SAXO1: variants seen among roughly 807,000 people sequenced by gnomAD.
SAXO1 encodes 4930500O09Rik.
SAXO1 carries 21 observed loss-of-function variants against 17.5 expected under a neutral mutation model. The ratio of observed to expected loss-of-function variants is 1.20; its 90% CI spans 0.85 to 1.72. The LOEUF is 1.72. Ranked by LOEUF, SAXO1 falls within the 40% of genes most tolerant of loss-of-function variation. The pLI is 0.00. For missense variants in SAXO1, 843 were observed against 596.0 expected, an observed-to-expected ratio of 1.41 and a Z score of -4.32; for synonymous variants, 274 against 216.5, an observed-to-expected ratio of 1.27 and a Z score of -2.33.
chr9:19,001,532 T>C lies in SAXO1; in HGVS notation c.38+31339A>G, dbSNP rs913900389. On this transcript the variant is annotated intron_variant, in intron 1 of 3. Transcript: ENST00000380534. Reference sequence around the variant, plus strand: ...AACACAAAAAATTAGCCAGGTGTGGTGGCGGGCACCTGTAGTCCCAGCTAC... The same window carrying C: ...AACACAAAAAATTAGCCAGGTGTGGCGGCGGGCACCTGTAGTCCCAGCTAC... Among the ~76,000 whole-genome samples the C allele has an allele frequency of 1.3e-5, 2 of 151,778 alleles. 1 individual carries two copies. The highest frequency in any genetic ancestry group is 2.9e-5 in the Non-Finnish European group (2 of 67,958).
At position 18,941,645 on chromosome 9, in the gene SAXO1, G is replaced by C; in HGVS notation, c.413C>G (p.Thr138Ser). The change falls in exon 3 of 4, where the codon ACT (threonine) becomes AGT (serine). Residue 138 changes from threonine (T) to serine (S), a missense_variant. Thr to Ser is a moderately conservative substitution (Grantham distance 58, BLOSUM62 1). Coordinates refer to ENST00000380534, the MANE Select transcript of SAXO1 (RefSeq NM_153707.4). Reference protein sequence around the residue: ...PCSDKMECLPTYKADYLPWNQ... With the variant: ...PCSDKMECLPSYKADYLPWNQ... ...CCTCTGTGCTCTCCCACCTTTATAA[G>C]TAGGCAAACACTCCATCTTGTCGCT... The C allele has an allele frequency of 6.2e-7, 1 of 1,614,136 alleles. No homozygotes were observed. Among genetic ancestry groups the C allele is most frequent in the Non-Finnish European group, 8.5e-7 (1 of 1,180,014 alleles).
intron 1 of SAXO1, among the ~76,000 whole-genome samples, chr9:19,040,815 G>A (rs957376958): frequency 1.3e-5 from 2 of 152,148 alleles, no homozygotes; most frequent in African/African-American, 4.8e-5. Flanking sequence ...TACAAACAGG[G>A]AGAAGGGAAC....
At chr9:18,973,371 T>TCG (rs1420832407) in intron 1 of SAXO1, among the ~76,000 whole-genome samples, 1 of 152,166 alleles carries the variant, frequency 6.6e-6, no homozygotes, top group Non-Finnish European at 1.5e-5. Flanking sequence ...CAGCTGCACA[T>TCG]CTCAGTAGTG....
intron 1 of SAXO1, among the ~76,000 whole-genome samples, chr9:19,001,868 T>C (rs1384030464): frequency 6.6e-6 from 1 of 151,676 alleles, no homozygotes; most frequent in Admixed American, 6.6e-5. Flanking sequence ...ATTCAAAAGC[T>C]AGCAAAGGCA....
intron 1 of SAXO1, among the ~76,000 whole-genome samples, chr9:18,991,077 G>A (rs1308918197): frequency 6.6e-6 from 1 of 152,136 alleles, no homozygotes; most frequent in Non-Finnish European, 1.5e-5. Context: ...GGCCAACATA[G>A]TGAAACCCTG....
intron 1 of SAXO1, chr9:19,026,752 C>A: frequency 2.5e-6 from 1 of 404,370 alleles, no homozygotes; most frequent in Non-Finnish European, 4.6e-6. Context: ...AATGCTGGGC[C>A]GGGCGTGGTA....
chr9:18,999,714 G>C (rs146205612), intron 1 of SAXO1, among the ~76,000 whole-genome samples: 1,664 of 146,850 alleles, frequency 0.011, 46 homozygotes, highest in African/African-American at 0.039. Context: ...AGAGTGAGGA[G>C]CACCTCTGCC....
At chr9:19,021,604 T>C (rs923795492) in intron 1 of SAXO1, among the ~76,000 whole-genome samples, 4 of 152,208 alleles carry the variant, frequency 2.6e-5, no homozygotes, top group African/African-American at 9.6e-5. Context: ...CTAGAGATAT[T>C]CAAGGACCTG....
At chr9:19,046,534 C>A (rs1188978457) in intron 1 of SAXO1, among the ~76,000 whole-genome samples, 13 of 151,914 alleles carry the variant, frequency 8.6e-5, no homozygotes, top group Non-Finnish European at 1.9e-4. Flanking sequence ...GAAACCCCAT[C>A]TCTACTAAAA....
At chr9:19,028,034 C>T in intron 1 of SAXO1, 1 of 1,610,124 alleles carries the variant, frequency 6.2e-7, no homozygotes, top group Non-Finnish European at 8.5e-7. Flanking sequence ...GGTATGATCG[C>T]ACTGCGCAGG....
chr9:18,986,178 A>G lies in SAXO1; in HGVS notation c.39-35241T>C, dbSNP rs180978709. The stretch of plus-strand genomic sequence containing the variant: ...AGATTTTAAAAAAAGCAATTCATTT[A>G]CAGCTACTACTACATATCCTTCACA... On this transcript the variant is annotated intron_variant, in intron 1 of 3. Transcript: ENST00000380534. 2.1e-4 allele frequency among the ~76,000 whole-genome samples: 32 copies of G among 152,376 alleles called. No homozygotes were observed. In the East Asian group the frequency reaches 5.8e-3, roughly 28 times the overall value.
intron 1 of SAXO1, among the ~76,000 whole-genome samples, chr9:18,971,477 A>G (rs746128386): frequency 6.6e-6 from 1 of 152,126 alleles, no homozygotes; most frequent in African/African-American, 2.4e-5. Context: ...TTAAACAATG[A>G]ATGGAATGAT....
At chr9:19,038,252 A>G (rs1190878233), upstream of SAXO1, among the ~76,000 whole-genome samples, 1 of 152,182 alleles carries the variant, frequency 6.6e-6, no homozygotes, top group African/African-American at 2.4e-5. Context: ...CCATCCCATT[A>G]CTGGGTATAT....
In SAXO1 at chr9:18,928,740, C is replaced by G. The variant is rs774663569; in HGVS notation, c.737G>C (p.Gly246Ala). 1 of 1,614,112 alleles carries G rather than the reference C, an allele frequency of 6.2e-7. No homozygotes were observed. The highest frequency in any genetic ancestry group is 1.1e-5 in the South Asian group (1 of 91,080). ...GCTCTTGGCAGGCTCCCCCATCAGG[C>G]CCCGGTAGGATTGTTTTTGAGTGGT... The part of the protein sequence containing the change: ...SLTTQKQSYR[G>A]LMGEPAKSLK... Residue 246 changes from glycine to alanine, a missense_variant, in exon 4 of 4, where the codon GGC becomes GCC. Coordinates refer to ENST00000380534, the MANE Select transcript of SAXO1 (RefSeq NM_153707.4).
chr9:19,014,029 G>A (rs770214830), intron 1 of SAXO1, among the ~76,000 whole-genome samples: 10 of 152,102 alleles, frequency 6.6e-5, no homozygotes, highest in Middle Eastern at 3.2e-3. Context: ...AGTATACAGA[G>A]AGTTAAACGT....
intron 1 of SAXO1, among the ~76,000 whole-genome samples, chr9:18,963,523 G>C (rs571156265): frequency 1.3e-5 from 2 of 152,106 alleles, no homozygotes; most frequent in African/African-American, 2.4e-5. Context: ...CATATCCTTT[G>C]TAAGTTGTAT....
At chr9:18,986,429 G>A (rs921118361) in intron 1 of SAXO1, among the ~76,000 whole-genome samples, 1 of 152,144 alleles carries the variant, frequency 6.6e-6, no homozygotes, top group African/African-American at 2.4e-5. Flanking sequence ...TTTTCAAAAT[G>A]TAGTAAATGG....
intron 1 of SAXO1, among the ~76,000 whole-genome samples, chr9:18,999,582 G>C (rs1437947221): frequency 1.3e-5 from 2 of 148,434 alleles, no homozygotes; most frequent in Non-Finnish European, 3.0e-5. Context: ...CACACCATCT[G>C]GGAAGTGAGG....
intron 1 of SAXO1, among the ~76,000 whole-genome samples, chr9:18,985,807 A>C (rs1328718102): frequency 1.3e-5 from 2 of 152,242 alleles, no homozygotes; most frequent in Non-Finnish European, 2.9e-5. Context: ...TTCTTTAAAA[A>C]CACATAGACT....
Sources: allele counts gnomAD v4.1 joint callset (sites outside exome capture counted in the v4.1 genomes callset), GRCh38; gene constraint gnomAD v4.1.1; transcripts MANE v1.5; gene names NCBI Gene and HGNC (gene_info 2026-07-23, HGNC 2026-07-21).